EVC2: variants seen among roughly 807,000 people sequenced by gnomAD.
EVC2 encodes limbin.
A neutral mutation model predicts 149.3 loss-of-function variants in EVC2; 148 were observed. The observed-to-expected ratio is 0.99, with a 90% confidence interval of 0.87 to 1.14. The LOEUF is 1.14. EVC2 is among the 50% of genes most tolerant of loss of function. EVC2 has a pLI of 0.00. For missense variants in EVC2, 1,854 were observed against 1,627.3 expected (o/e 1.14, Z -2.40); for synonymous variants, 776 against 649.9 (o/e 1.19, Z -2.95).
chr4:5,662,534 A>G (rs1718956807), intron 9 of EVC2, among the ~76,000 whole-genome samples: 3 of 143,700 alleles, frequency 2.1e-5, no homozygotes, highest in Middle Eastern at 3.6e-3. Context: ...TAAATATATT[A>G]AATATAATAT....
chr4:5,561,929 A>G (rs1195809253), downstream of EVC2, among the ~76,000 whole-genome samples: 1 of 152,118 alleles, frequency 6.6e-6, no homozygotes, highest in Non-Finnish European at 1.5e-5. Context: ...CCCTACTGTC[A>G]GAGAATACCC....
the EVC2 span, among the ~76,000 whole-genome samples, chr4:5,534,065 G>A: frequency 6.6e-6 from 1 of 152,182 alleles, no homozygotes. Context: ...GCGATGAGGA[G>A]GCACTAGAAG....
At chr4:5,652,182 C>G (rs2108880949) in intron 9 of EVC2, among the ~76,000 whole-genome samples, 1 of 152,312 alleles carries the variant, frequency 6.6e-6, no homozygotes, top group South Asian at 2.1e-4. Context: ...AAAGAAATAG[C>G]AATGGCTGGG....
chr4:5,663,026 T>C lies in EVC2; in HGVS notation c.1145+81A>G, dbSNP rs914310281. 6 of 1,550,464 alleles carry C rather than the reference T, an allele frequency of 3.9e-6. No homozygotes were observed. The Admixed American group carries it at 5.0e-5, about 13-fold the overall frequency. On this transcript the variant is annotated intron_variant, in intron 9 of 21. Coordinates refer to ENST00000344408, the MANE Select transcript of EVC2 (RefSeq NM_147127.5). ...AATGATTAACTGAATGAATGAAATA[T>C]ACTCAGCATTTGGCCTTATGTCACT...
chr4:5,540,357 G>A (rs761109312), downstream of EVC2, among the ~76,000 whole-genome samples: 4 of 152,188 alleles, frequency 2.6e-5, no homozygotes, highest in Non-Finnish European at 4.4e-5. Flanking sequence ...GAAAGTTTAT[G>A]TTCACACAAA....
chr4:5,535,599 G>GAA, the EVC2 span, among the ~76,000 whole-genome samples: 2 of 143,920 alleles, frequency 1.4e-5, no homozygotes, highest in African/African-American at 2.7e-5. This position sits in a 1 kb window ranked among gnomAD's most constrained non-coding sequence, Gnocchi z 4.7. Flanking sequence ...TGCATGCTTA[G>GAA]AAAGAGAGAG....
chr4:5,576,323 C>T lies in EVC2; in HGVS notation c.3189G>A (p.Glu1063=). ...DGPGILNEPG[E]VDSERQVSTV... ...TAGAGACCTGCCTTTCAGAATCCAC[C>T]TCCCCAGGTTCGTTCAGAATCCCGG... is the stretch of plus-strand genomic sequence containing the variant. The change falls in exon 18 of 22, where the codon GAG becomes GAA. Residue 1063 remains glutamate (E), a synonymous_variant. Coordinates refer to ENST00000344408, the MANE Select transcript of EVC2 (RefSeq NM_147127.5). This position sits in a 1 kb window ranked among gnomAD's most constrained non-coding sequence, Gnocchi z 4.5. 6.2e-7 allele frequency: 1 copy of T among 1,614,188 alleles called. No individual in the cohort carries two copies. The highest frequency in any genetic ancestry group is 8.5e-7 in the Non-Finnish European group (1 of 1,180,044).
intron 10 of EVC2, among the ~76,000 whole-genome samples, chr4:5,634,972 G>A (rs1243006757): frequency 6.7e-6 from 1 of 149,968 alleles, no homozygotes; most frequent in Non-Finnish European, 1.5e-5. Flanking sequence ...TCCTTTAGCT[G>A]GAAATCTGGG....
intron 17 of EVC2, among the ~76,000 whole-genome samples, chr4:5,583,786 A>T (rs1042975734): frequency 6.6e-6 from 1 of 151,730 alleles, no homozygotes; most frequent in African/African-American, 2.4e-5. Flanking sequence ...TTCAAAAAAA[A>T]ATCTCTTCAC....
At chr4:5,565,562 C>T (rs549535012) in intron 20 of EVC2, among the ~76,000 whole-genome samples, 1 of 151,818 alleles carries the variant, frequency 6.6e-6, no homozygotes, top group South Asian at 2.1e-4. Context: ...ATCCCAGCTA[C>T]TCCGGAGGCT....
chr4:5,694,193 C>T (rs1721311635), intron 3 of EVC2, 142 bp downstream of exon 3: 2 of 807,298 alleles, frequency 2.5e-6, no homozygotes, highest in Admixed American at 2.5e-5. Context: ...GGATTTGCTA[C>T]CCAGTGATAA....
chr4:5,543,762 T>TAA (rs1721561387), intron 21 of EVC2, among the ~76,000 whole-genome samples: 1 of 152,130 alleles, frequency 6.6e-6, no homozygotes, highest in Admixed American at 6.5e-5. Context: ...AAATGGTACC[T>TAA]GCTTATTAAT....
intron 16 of EVC2, among the ~76,000 whole-genome samples, chr4:5,594,938 C>T (rs542523115): frequency 3.2e-4 from 48 of 152,110 alleles, no homozygotes; most frequent in African/African-American, 8.9e-4. Flanking sequence ...CCTCCGGAGC[C>T]GATGCGATCA....
rs556009947 is a variant in EVC2 at position 5,622,941 on chromosome 4, C to A, written c.2097G>T (p.Thr699=). ...EQASVGEAFR[T]VEDAGQYLHQ... is the part of the protein sequence containing the mutation. ...GCAGGTACTGGCCGGCATCCTCAAC[C>A]GTTCGGAAGGCCTCGCCGACGGACG... Residue 699 remains threonine, a synonymous_variant, in exon 14 of 22, where the codon ACG becomes ACT. Transcript: ENST00000344408. This position sits in a 1 kb window ranked among gnomAD's most constrained non-coding sequence, Gnocchi z 5.8. The A allele has an allele frequency of 6.2e-7, 1 of 1,613,988 alleles. No homozygotes were observed. Among genetic ancestry groups the A allele is most frequent in the Non-Finnish European group, 8.5e-7 (1 of 1,180,014 alleles).
In EVC2 at chr4:5,696,546, G is replaced by A. The variant is rs1248456497; in HGVS notation, c.283+1047C>T. Among the ~76,000 whole-genome samples the A allele has an allele frequency of 1.3e-5, 2 of 152,332 alleles. No homozygotes were observed. The highest frequency in any genetic ancestry group is 2.9e-5 in the Non-Finnish European group (2 of 68,032). On this transcript the variant is annotated intron_variant, in intron 2 of 21. Transcript: ENST00000344408. This position sits in a 1 kb window ranked among gnomAD's most constrained non-coding sequence, Gnocchi z 4.1. Reference sequence around the variant, plus strand: ...TCACAGCCGCTGGGAAGTCTGCGCTGCAGGTGCCAGCCATGAGGCTCAGGA... The same window carrying A: ...TCACAGCCGCTGGGAAGTCTGCGCTACAGGTGCCAGCCATGAGGCTCAGGA...
At chr4:5,630,404 C>T (rs1451558989) in intron 11 of EVC2, among the ~76,000 whole-genome samples, 2 of 152,170 alleles carry the variant, frequency 1.3e-5, no homozygotes, top group African/African-American at 2.4e-5. Flanking sequence ...TGGACTTCAT[C>T]TTTCGCCACT....
intron 6 of EVC2, among the ~76,000 whole-genome samples, chr4:5,684,315 T>G (rs1720546559): frequency 6.6e-6 from 1 of 152,184 alleles, no homozygotes; most frequent in African/African-American, 2.4e-5. Context: ...TTTTGTTTTG[T>G]TTTCCCCTCA....
At chr4:5,542,354 C>G (rs906117918), downstream of EVC2, among the ~76,000 whole-genome samples, 2 of 152,294 alleles carry the variant, frequency 1.3e-5, no homozygotes, top group Non-Finnish European at 2.9e-5. Context: ...ACTCAGGAAG[C>G]AGAGGTGGGA....
Position 5,562,516 on chromosome 4 carries a change from G to C in EVC2, c.*332C>G, listed in dbSNP as rs1577092655. 3.4e-6 allele frequency: 4 copies of C among 1,181,674 alleles called. No individual in the cohort carries two copies. The South Asian group carries it at 1.0e-4, about 31-fold the overall frequency. 73.2% of individuals were successfully genotyped at this position (1,181,674 alleles called of 1,614,324 possible). A position where few individuals can be genotyped will look rare whatever the true frequency, so the allele number is the denominator to read the frequency against. On this transcript the variant is annotated 3_prime_UTR_variant, in exon 22 of 22. Coordinates refer to ENST00000344408, the MANE Select transcript of EVC2 (RefSeq NM_147127.5). The surrounding 1 kb of genome is among the most constrained non-coding windows in gnomAD (Gnocchi z 4.3). Reference sequence around the variant, plus strand: ...GTAACAAATACAAAACATAAGAGTAGAGAATCTGGCTGTCACCACACAGAC... The same window carrying C: ...GTAACAAATACAAAACATAAGAGTACAGAATCTGGCTGTCACCACACAGAC...
Sources: allele counts gnomAD v4.1 joint callset (sites outside exome capture counted in the v4.1 genomes callset), GRCh38; gene constraint gnomAD v4.1.1; non-coding constraint Gnocchi (gnomAD v3.1); transcripts MANE v1.5; gene names NCBI Gene and HGNC (gene_info 2026-07-23, HGNC 2026-07-21).